Variants in INTS8 observed in about 807,000 individuals in gnomAD.
INTS8 encodes the protein protein kaonashi-1.
Under a neutral mutation model 138.9 loss-of-function variants are expected in INTS8, and 47 were observed. The ratio of observed to expected loss-of-function variants is 0.34; its 90% confidence interval spans 0.27 to 0.43. The LOEUF (loss-of-function observed/expected upper bound fraction) is 0.43, where lower values mean the gene tolerates loss of function less well. INTS8 is among the 20% of genes least tolerant of loss of function. The pLI, the probability that INTS8 is intolerant of heterozygous loss-of-function variation, is 1.00. For missense variants in INTS8, 996 were observed against 1,173.0 expected (o/e 0.85, Z 2.20); for synonymous variants, 392 against 400.9 (o/e 0.98, Z 0.27).
intron 1 of INTS8, 108 bp from the exon 2 acceptor site, chr8:94,824,782 ACTC>A (rs1201133218): frequency 2.1e-5 from 1 of 47,158 alleles, no homozygotes; most frequent in Non-Finnish European, 4.3e-5. Flanking sequence ...AAAAACCCAA[ACTC>A]CCCCCCCCCC....
chr8:94,839,702 A>G lies in INTS8; in HGVS notation c.1017+1084A>G, dbSNP rs141897348. Among the ~76,000 whole-genome samples, 130 of 152,340 alleles carry G rather than the reference A, an allele frequency of 8.5e-4. 2 individuals carry two copies. In the East Asian group the frequency reaches 0.012, roughly 14 times the overall value. On this transcript the variant is annotated intron_variant, in intron 8 of 26. Coordinates refer to ENST00000523731, the MANE Select transcript of INTS8 (RefSeq NM_017864.4). ...AGTTATAGCTCCCTAGTAAAGGTTTATGAAGGGTGAGATCAATTATCATAA... is the reference window on the plus strand; with the variant it reads ...AGTTATAGCTCCCTAGTAAAGGTTTGTGAAGGGTGAGATCAATTATCATAA...
At position 94,880,254 on chromosome 8, in the gene INTS8, T is replaced by G; in HGVS notation, c.*20T>G. 1 of 1,340,512 alleles carries G rather than the reference T, an allele frequency of 7.5e-7. No individual in the cohort carries two copies. The highest frequency in any genetic ancestry group is 1.2e-5 in the South Asian group (1 of 80,932). 83.0% of individuals were successfully genotyped at this position (1,340,512 alleles called of 1,614,324 possible). A position where few individuals can be genotyped will look rare whatever the true frequency, so the allele number is the denominator to read the frequency against. ...TTTTAAGCAGTTAAATTTTTTTAAC[T>G]TTTATTTTTTAAACAATGGGCTAAA... On this transcript the variant is annotated 3_prime_UTR_variant, in exon 27 of 27. Transcript: ENST00000523731.
chr8:94,847,171 C>T (rs112554555), intron 10 of INTS8, among the ~76,000 whole-genome samples: 2,397 of 152,232 alleles, frequency 0.016, 62 homozygotes, highest in African/African-American at 0.055. Context: ...TCCACAGTAG[C>T]TGAGATTACA....
intron 19 of INTS8, 23 bp from the exon 20 acceptor site, chr8:94,867,253 C>T (rs1816212313): frequency 1.0e-5 from 16 of 1,601,142 alleles, no homozygotes; most frequent in African/African-American, 1.3e-5. Flanking sequence ...TTGTAAATCA[C>T]ACCTTTTTTT....
rs1816792991 is a variant in INTS8, at chr8:94,881,115, ATAAAT to A, written c.*884_*888del. The stretch of plus-strand genomic sequence containing the variant: ...TAATAGCTTGCTATAGCAGCTATAG[ATAAAT>A]TAGTCACCTTATTACAAAACTAAAC... On this transcript the variant is annotated 3_prime_UTR_variant, in exon 27 of 27. Transcript: ENST00000523731. The A allele has an allele frequency of 2.5e-6, 1 of 396,626 alleles. No individual in the cohort carries two copies. Among genetic ancestry groups the A allele is most frequent in the Non-Finnish European group, 4.4e-6 (1 of 225,076 alleles). 24.6% of individuals were successfully genotyped at this position (396,626 alleles called of 1,614,324 possible). A position where few individuals can be genotyped will look rare whatever the true frequency, so the allele number is the denominator to read the frequency against.
intron 2 of INTS8, 79 bp downstream of exon 2, chr8:94,825,146 A>C: frequency 9.7e-7 from 1 of 1,027,788 alleles, no homozygotes. Flanking sequence ...CTTTTATGAT[A>C]TCGGCTCTTA....
intron 20 of INTS8, among the ~76,000 whole-genome samples, chr8:94,870,846 T>G (rs1204182997): frequency 6.6e-6 from 1 of 152,186 alleles, no homozygotes; most frequent in African/African-American, 2.4e-5. Context: ...TGTGCTTTAC[T>G]GCTCTTAGGA....
intron 14 of INTS8, among the ~76,000 whole-genome samples, chr8:94,854,214 A>G (rs1378913852): frequency 6.6e-6 from 1 of 151,840 alleles, no homozygotes; most frequent in African/African-American, 2.4e-5. Context: ...TCGGAAAAAA[A>G]AAAAAAAAAA....
chr8:94,876,287 T>G lies in INTS8; in HGVS notation c.2827+2T>G. ...TTACCATTTTGGAATACTTGACTTGTATCCTTTCATCCATGTGTGTGATGT... is the reference window on the plus strand; with the variant it reads ...TTACCATTTTGGAATACTTGACTTGGATCCTTTCATCCATGTGTGTGATGT... On this transcript the variant is annotated splice_donor_variant, in intron 25 of 26. Coordinates refer to ENST00000523731, the MANE Select transcript of INTS8 (RefSeq NM_017864.4). LOFTEE classifies it high-confidence loss of function. The G allele has an allele frequency of 2.5e-6, 4 of 1,601,292 alleles. No homozygotes were observed.
At chr8:94,833,126 C>T (rs1271253854) in intron 6 of INTS8, among the ~76,000 whole-genome samples, 1 of 151,850 alleles carries the variant, frequency 6.6e-6, no homozygotes, top group Non-Finnish European at 1.5e-5. Flanking sequence ...CTAGAGAGGG[C>T]TACTAAGATT....
At chr8:94,826,267 T>C (rs1379032491) in intron 2 of INTS8, among the ~76,000 whole-genome samples, 3 of 152,206 alleles carry the variant, frequency 2.0e-5, no homozygotes, top group African/African-American at 7.2e-5. Flanking sequence ...GCATTAAATA[T>C]TAGAATTTTT....
intron 23 of INTS8, among the ~76,000 whole-genome samples, chr8:94,875,120 G>A (rs1038308695): frequency 4.6e-5 from 7 of 152,120 alleles, no homozygotes; most frequent in Non-Finnish European, 8.8e-5. Context: ...TCACTCCTAG[G>A]TGTATACCCA....
intron 8 of INTS8, among the ~76,000 whole-genome samples, chr8:94,840,734 T>C (rs1586482663): frequency 6.6e-6 from 1 of 151,682 alleles, no homozygotes; most frequent in Non-Finnish European, 1.5e-5. Context: ...ATTTTTGTAG[T>C]TTTTAGTAGA....
chr8:94,861,659 TCTC>T (rs1815988702), intron 16 of INTS8, among the ~76,000 whole-genome samples: 1 of 151,550 alleles, frequency 6.6e-6, no homozygotes, highest in Admixed American at 6.6e-5. Context: ...TTCAAGCAAT[TCTC>T]CTGCCTCAGC....
At chr8:94,862,381 G>A (rs1012938632) in intron 16 of INTS8, among the ~76,000 whole-genome samples, 1 of 152,170 alleles carries the variant, frequency 6.6e-6, no homozygotes, top group African/African-American at 2.4e-5. Flanking sequence ...CAAGGTTACT[G>A]TCATTTACAC....
intron 8 of INTS8, among the ~76,000 whole-genome samples, chr8:94,840,723 A>G (rs1417935989): frequency 6.6e-6 from 1 of 151,530 alleles, no homozygotes; most frequent in Non-Finnish European, 1.5e-5. Context: ...GTGCCTGGCT[A>G]ATTTTTGTAG....
intron 16 of INTS8, among the ~76,000 whole-genome samples, chr8:94,861,149 G>A (rs1815955791): frequency 6.9e-6 from 1 of 144,898 alleles, no homozygotes. Context: ...TTGGTTACTT[G>A]TTTCTTCCTT....
At chr8:94,866,406 C>T (rs1816179111) in intron 18 of INTS8, 4 of 521,010 alleles carry the variant, frequency 7.7e-6, no homozygotes, top group Non-Finnish European at 1.4e-5. Context: ...AGTCCTCCTG[C>T]CTCAGCTTTC....
rs1305390585 is a variant in INTS8 at position 94,847,633 on chromosome 8, A to G, written c.1261-1829A>G. On this transcript the variant is annotated intron_variant, in intron 10 of 26. Transcript: ENST00000523731. ...GATTTGTCCATTTCATCTTAAGTTT[A>G]TTAGTATTAAAATTTATTATTTTAA... Among the ~76,000 whole-genome samples the G allele has an allele frequency of 2.6e-5, 4 of 152,248 alleles. No individual in the cohort carries two copies. The South Asian group carries it at 8.3e-4, about 32-fold the overall frequency.
Sources: allele counts gnomAD v4.1 joint callset (sites outside exome capture counted in the v4.1 genomes callset), GRCh38; gene constraint gnomAD v4.1.1; transcripts MANE v1.5; gene names NCBI Gene and HGNC (gene_info 2026-07-23, HGNC 2026-07-21).